FSTL4: variants seen among roughly 807,000 people sequenced by gnomAD.
FSTL4 encodes the protein follistatin like 4, also known as follistatin-related protein 4.
In FSTL4, 28 loss-of-function variants were observed where a neutral mutation model predicts 78.2. The observed-to-expected ratio is 0.36, with a 90% confidence interval of 0.27 to 0.49. FSTL4 has a LOEUF of 0.49. Among genes scored for constraint, FSTL4 ranks in the 20% least tolerant of loss-of-function variants. The pLI is 0.98. For missense variants in FSTL4, 922 were observed against 1,084.9 expected (o/e 0.85, Z 2.11); for synonymous variants, 422 against 440.5 (o/e 0.96, Z 0.53).
intron 14 of FSTL4, among the ~76,000 whole-genome samples, chr5:133,209,210 G>C (rs556730594): frequency 1.6e-4 from 24 of 152,258 alleles, no homozygotes; most frequent in African/African-American, 5.8e-4. Context: ...GGCTTCCCCA[G>C]TGTGACAGTG....
chr5:133,468,565 C>T (rs1757758267), intron 3 of FSTL4, among the ~76,000 whole-genome samples: 1 of 152,192 alleles, frequency 6.6e-6, no homozygotes, highest in African/African-American at 2.4e-5. Context: ...GAGCCCAAGC[C>T]ACGGAGCCAC....
rs1751657186 is a variant in FSTL4, at chr5:133,236,239, GTCA to G, written c.895-2705_895-2703del. On this transcript the variant is annotated intron_variant, in intron 7 of 15. Transcript: ENST00000265342. This position sits in a 1 kb window ranked among gnomAD's most constrained non-coding sequence, Gnocchi z 5.0. ...ATCACCACCTGTGTGGTGGTGTTTAGTCATCAGCACCACCACATTCCTCAGGTT... is the reference window on the plus strand; with the variant it reads ...ATCACCACCTGTGTGGTGGTGTTTAGTCAGCACCACCACATTCCTCAGGTT... Among the ~76,000 whole-genome samples the G allele has an allele frequency of 6.8e-6, 1 of 147,304 alleles. No individual in the cohort carries two copies. Among genetic ancestry groups the G allele is most frequent in the East Asian group, 1.9e-4 (1 of 5,182 alleles).
chr5:133,530,177 C>T (rs764415446), intron 3 of FSTL4, among the ~76,000 whole-genome samples: 4 of 152,104 alleles, frequency 2.6e-5, no homozygotes, highest in East Asian at 3.9e-4. Flanking sequence ...GCTGTAAAAC[C>T]GACGGTGGGA....
the FSTL4 span, among the ~76,000 whole-genome samples, chr5:133,813,924 C>T: frequency 6.6e-5 from 10 of 152,274 alleles, no homozygotes; most frequent in South Asian, 6.2e-4. Context: ...AACTCCATTG[C>T]AAAGAGACAA....
At chr5:133,795,435 G>C in the FSTL4 span, among the ~76,000 whole-genome samples, 1 of 152,234 alleles carries the variant, frequency 6.6e-6, no homozygotes, top group Non-Finnish European at 1.5e-5. Context: ...AAAGTCATCA[G>C]AGTGCCCCAA....
At chr5:133,243,165 G>GTT (rs1751928070) in intron 7 of FSTL4, among the ~76,000 whole-genome samples, 1 of 151,848 alleles carries the variant, frequency 6.6e-6, no homozygotes, top group Non-Finnish European at 1.5e-5. Flanking sequence ...CTTCTAATGG[G>GTT]TTTTGTTTTT....
chr5:133,697,019 C>T, the FSTL4 span, among the ~76,000 whole-genome samples: 6 of 152,116 alleles, frequency 3.9e-5, no homozygotes, highest in South Asian at 2.1e-4. Context: ...CCGCAGTGCC[C>T]GAAACACAGG....
At chr5:133,400,546 G>T (rs1210287605) in intron 4 of FSTL4, among the ~76,000 whole-genome samples, 192 bp downstream of exon 4, 1 of 152,184 alleles carries the variant, frequency 6.6e-6, no homozygotes, top group East Asian at 1.9e-4. Context: ...CTAAGGGCAG[G>T]GGTCTCTGGA....
rs546586150 is a variant in FSTL4 at position 133,450,803 on chromosome 5, T to G, written c.161-49817A>C. The stretch of plus-strand genomic sequence containing the variant: ...TCTACCGGCACCTTTTCAGATCAGA[T>G]CCATCAGGGAGCTGGAGCATTCACA... On this transcript the variant is annotated intron_variant, in intron 3 of 15. Transcript: ENST00000265342. 6.6e-5 allele frequency among the ~76,000 whole-genome samples: 10 copies of G among 152,212 alleles called. No homozygotes were observed. The East Asian group carries it at 1.4e-3, about 21-fold the overall frequency.
chr5:133,210,421 T>G, intron 13 of FSTL4, 123 bp from the exon 14 acceptor site: 2 of 505,414 alleles, frequency 4.0e-6, no homozygotes, highest in Non-Finnish European at 7.3e-6. Flanking sequence ...AATGGTTCCA[T>G]TTGGGAACCC....
chr5:133,595,911 C>T lies in FSTL4; in HGVS notation c.126+7947G>A, dbSNP rs954887340. Among the ~76,000 whole-genome samples, 5 of 152,186 alleles carry T rather than the reference C, an allele frequency of 3.3e-5. No homozygotes were observed. The East Asian group carries it at 9.6e-4, about 29-fold the overall frequency. ...TCCGGGGCCCTCTGAGTTGAGGGTG[C>T]ACTTGAAGCAAAGGCAGGGCCGGGG... On this transcript the variant is annotated intron_variant, in intron 2 of 15. Coordinates refer to ENST00000265342, the MANE Select transcript of FSTL4 (RefSeq NM_015082.2).
chr5:133,263,006 A>G (rs1341219310), intron 6 of FSTL4, among the ~76,000 whole-genome samples: 1 of 152,180 alleles, frequency 6.6e-6, no homozygotes, highest in African/African-American at 2.4e-5. Context: ...CTCTGAGAGC[A>G]GGTGCTGGGG....
the FSTL4 span, among the ~76,000 whole-genome samples, chr5:133,632,263 A>T: frequency 6.6e-6 from 1 of 152,202 alleles, no homozygotes; most frequent in Non-Finnish European, 1.5e-5. Flanking sequence ...CCCTGTTTAT[A>T]ATATAAGGGT....
chr5:133,269,018 A>G (rs1006046964), intron 6 of FSTL4, among the ~76,000 whole-genome samples: 1 of 152,004 alleles, frequency 6.6e-6, no homozygotes, highest in Non-Finnish European at 1.5e-5. Flanking sequence ...CATCTCTACT[A>G]AAAATACAAA....
Position 133,323,472 on chromosome 5 carries a change from T to C in FSTL4, c.410-6820A>G, listed in dbSNP as rs577645019. Among the ~76,000 whole-genome samples the C allele has an allele frequency of 7.0e-4, 107 of 152,354 alleles. 1 individual carries two copies. In the South Asian group the frequency reaches 0.021, roughly 30 times the overall value. ...TGGGACAGGTTGGCAACTAAATCAG[T>C]GCTCATGGCTAAACAGAAGACAGAA... On this transcript the variant is annotated intron_variant, in intron 4 of 15. Coordinates refer to ENST00000265342, the MANE Select transcript of FSTL4 (RefSeq NM_015082.2).
At chr5:133,800,954 G>A in the FSTL4 span, among the ~76,000 whole-genome samples, 432 of 151,936 alleles carry the variant, frequency 2.8e-3, no homozygotes, top group African/African-American at 9.9e-3. Flanking sequence ...AGGTGGGGAG[G>A]TGGGGAGCAG....
At chr5:133,272,710 G>A (rs188861756) in intron 6 of FSTL4, among the ~76,000 whole-genome samples, 3 of 152,336 alleles carry the variant, frequency 2.0e-5, no homozygotes, top group Non-Finnish European at 4.4e-5. Context: ...TAACTCTTCC[G>A]ATTTTATTAG....
At chr5:133,674,059 C>T in the FSTL4 span, among the ~76,000 whole-genome samples, 5 of 152,320 alleles carry the variant, frequency 3.3e-5, no homozygotes, top group East Asian at 9.6e-4. Flanking sequence ...GATACAGCAA[C>T]AACAGAGGCC....
intron 1 of FSTL4, among the ~76,000 whole-genome samples, chr5:133,606,917 T>C (rs1760990032): frequency 6.6e-6 from 1 of 152,240 alleles, no homozygotes; most frequent in African/African-American, 2.4e-5. Flanking sequence ...GCCAAATCAG[T>C]TCATAAGAGG....
Sources: allele counts gnomAD v4.1 joint callset (sites outside exome capture counted in the v4.1 genomes callset), GRCh38; gene constraint gnomAD v4.1.1; non-coding constraint Gnocchi (gnomAD v3.1); transcripts MANE v1.5; gene names NCBI Gene and HGNC (gene_info 2026-07-23, HGNC 2026-07-21).